Variants in ULK4 observed in about 807,000 individuals in gnomAD.
ULK4 encodes inactive serine/threonine-protein kinase ULK4.
In ULK4, 133 loss-of-function variants were observed where a neutral mutation model predicts 160.6. The ratio of observed to expected loss-of-function variants is 0.83; its 90% CI spans 0.72 to 0.96. The LOEUF (loss-of-function observed/expected upper bound fraction) is 0.96, where lower values mean the gene tolerates loss of function less well. Ranked by LOEUF, ULK4 falls within the 40% of genes least tolerant of loss-of-function variation. The probability of loss-of-function intolerance (pLI) is 0.00; values close to 1 mark genes in which losing one functional copy is unlikely to be tolerated. For synonymous variants in ULK4, 534 were observed against 539.8 expected (o/e 0.99, Z 0.15); for missense variants, 1,580 against 1,499.5 (o/e 1.05, Z -0.89).
rs1480711753 is a variant in ULK4, at chr3:41,644,496, T to G, written c.3071+19111A>C. Among the ~76,000 whole-genome samples the G allele has an allele frequency of 7.2e-5, 11 of 152,332 alleles. No individual in the cohort carries two copies. The East Asian group carries it at 7.7e-4, about 11-fold the overall frequency. Reference sequence around the variant, plus strand: ...TTCTGTTTATATGTTGGATTACATTTATTGATTTGTGTATATTGAACCAGC... The same window carrying G: ...TTCTGTTTATATGTTGGATTACATTGATTGATTTGTGTATATTGAACCAGC... On this transcript the variant is annotated intron_variant, in intron 30 of 36. Coordinates refer to ENST00000301831, the MANE Select transcript of ULK4 (RefSeq NM_017886.4).
At chr3:41,456,419 C>T (rs1331233327) in intron 33 of ULK4, among the ~76,000 whole-genome samples, 1 of 152,156 alleles carries the variant, frequency 6.6e-6, no homozygotes, top group Non-Finnish European at 1.5e-5. Flanking sequence ...TGCTTTCCTT[C>T]TCTATATGCA....
At chr3:41,664,058 C>T (rs1210774777) in intron 29 of ULK4, among the ~76,000 whole-genome samples, 1 of 152,194 alleles carries the variant, frequency 6.6e-6, no homozygotes, top group Non-Finnish European at 1.5e-5. Flanking sequence ...AGGACCTACA[C>T]AGGTTACTTA....
chr3:41,950,330 T>A (rs1218048847), intron 2 of ULK4, among the ~76,000 whole-genome samples: 1 of 152,116 alleles, frequency 6.6e-6, no homozygotes, highest in Non-Finnish European at 1.5e-5. Flanking sequence ...AACCTCCACC[T>A]CCTGAGTTCA....
At chr3:41,379,616 G>A (rs2081601921) in intron 35 of ULK4, among the ~76,000 whole-genome samples, 1 of 152,138 alleles carries the variant, frequency 6.6e-6, no homozygotes, top group South Asian at 2.1e-4. Flanking sequence ...TATGACATAC[G>A]TTTGGGGCAC....
At chr3:41,570,244 T>C (rs1228528222) in intron 31 of ULK4, among the ~76,000 whole-genome samples, 1 of 152,222 alleles carries the variant, frequency 6.6e-6, no homozygotes, top group Non-Finnish European at 1.5e-5. Flanking sequence ...TTCCAAATAC[T>C]GATGTCTAAA....
At chr3:41,267,077 C>T (rs556697628) in intron 35 of ULK4, among the ~76,000 whole-genome samples, 1 of 138,660 alleles carries the variant, frequency 7.2e-6, no homozygotes, top group East Asian at 2.3e-4. Flanking sequence ...GATACATGTA[C>T]AGTACATGCA....
At chr3:41,488,769 A>T (rs2084638143) in intron 32 of ULK4, among the ~76,000 whole-genome samples, 1 of 152,194 alleles carries the variant, frequency 6.6e-6, no homozygotes, top group South Asian at 2.1e-4. Flanking sequence ...TGTCTTAGCT[A>T]TGAGAAAGCT....
chr3:41,247,981 C>T (rs897566067), intron 36 of ULK4, among the ~76,000 whole-genome samples: 2 of 152,070 alleles, frequency 1.3e-5, no homozygotes, highest in Non-Finnish European at 2.9e-5. Context: ...CTGGTGTAGA[C>T]GTTTTAGATG....
chr3:41,668,639 C>T (rs554851776), intron 29 of ULK4, among the ~76,000 whole-genome samples: 1 of 152,280 alleles, frequency 6.6e-6, no homozygotes, highest in Admixed American at 6.5e-5. Context: ...GGTACTCCCA[C>T]ATGGCACATG....
intron 31 of ULK4, 148 bp downstream of exon 31, chr3:41,615,521 T>C: frequency 3.1e-6 from 2 of 650,232 alleles, no homozygotes; most frequent in Non-Finnish European, 5.1e-6. Flanking sequence ...ATAAGAAAGC[T>C]GAAGTCCAAG....
At chr3:41,481,282 G>A (rs1443945302) in intron 32 of ULK4, among the ~76,000 whole-genome samples, 10 of 152,118 alleles carry the variant, frequency 6.6e-5, no homozygotes, top group Non-Finnish European at 5.9e-5. Context: ...GCAGTGTCTT[G>A]TTCTAAAAAT....
intron 32 of ULK4, among the ~76,000 whole-genome samples, chr3:41,560,991 G>T (rs1472946317): frequency 6.6e-6 from 1 of 152,182 alleles, no homozygotes; most frequent in Non-Finnish European, 1.5e-5. Context: ...TATGATATTG[G>T]CTGTGGGTAT....
intron 21 of ULK4, among the ~76,000 whole-genome samples, chr3:41,778,034 A>T (rs2039697625): frequency 7.7e-6 from 1 of 129,134 alleles, no homozygotes; most frequent in Admixed American, 7.5e-5. Flanking sequence ...GAAAAGAGGA[A>T]GTCAAATTGT....
intron 35 of ULK4, among the ~76,000 whole-genome samples, chr3:41,252,688 G>A (rs1013573396): frequency 6.6e-6 from 1 of 150,550 alleles, no homozygotes; most frequent in South Asian, 2.1e-4. Context: ...ATAAGTTTTT[G>A]TCATTGGAGT....
At chr3:41,618,893 A>G (rs755706065) in intron 30 of ULK4, among the ~76,000 whole-genome samples, 2 of 152,236 alleles carry the variant, frequency 1.3e-5, no homozygotes, top group East Asian at 3.9e-4. Context: ...TCACATGCAA[A>G]GACAAACATG....
At chr3:41,709,383 T>G (rs898782820) in intron 25 of ULK4, among the ~76,000 whole-genome samples, 1 of 152,056 alleles carries the variant, frequency 6.6e-6, no homozygotes, top group South Asian at 2.1e-4. Flanking sequence ...AAATGGAGTT[T>G]GTTTGGTTTT....
chr3:41,527,685 AT>A (rs1463036317), intron 32 of ULK4, among the ~76,000 whole-genome samples: 1 of 152,188 alleles, frequency 6.6e-6, no homozygotes, highest in Non-Finnish European at 1.5e-5. Flanking sequence ...CCTATCTACT[AT>A]TTCATTGTAT....
At chr3:41,652,212 T>G (rs2034771087) in intron 30 of ULK4, among the ~76,000 whole-genome samples, 1 of 152,120 alleles carries the variant, frequency 6.6e-6, no homozygotes, top group South Asian at 2.1e-4. Context: ...CAGAAATATT[T>G]ACCACCTAGA....
chr3:41,311,877 C>CATATATATATATATATATATATATATAT (rs143621818), intron 35 of ULK4, among the ~76,000 whole-genome samples: 10 of 146,634 alleles, frequency 6.8e-5, no homozygotes, highest in African/African-American at 2.1e-4. Context: ...AAACTCTCCT[C>CATATATATATATATATATATATATATAT]ATATATATAT....
Sources: gnomAD v4.1 joint callset for allele counts (sites outside exome capture counted in the v4.1 genomes callset) on GRCh38, gnomAD v4.1.1 for gene constraint, MANE v1.5 for transcripts, NCBI Gene and HGNC (gene_info 2026-07-23, HGNC 2026-07-21) for gene names.